Variants in DNAJC8 observed in about 807,000 individuals in gnomAD.
DNAJC8 encodes DnaJ heat shock protein family (Hsp40) member C8.
In DNAJC8, 24 loss-of-function variants were observed where a neutral mutation model predicts 43.2. The observed-to-expected ratio is 0.56, with a 90% confidence interval of 0.40 to 0.78. DNAJC8 has a LOEUF of 0.78. Ranked by LOEUF, DNAJC8 falls within the 30% of genes least tolerant of loss-of-function variation. The pLI is 0.00. For missense variants in DNAJC8, 207 were observed against 299.4 expected, an observed-to-expected ratio of 0.69 and a Z score of 2.28; for synonymous variants, 83 against 98.0, an observed-to-expected ratio of 0.85 and a Z score of 0.90.
At chr1:28,206,268 T>C (rs943614360) in intron 6 of DNAJC8, among the ~76,000 whole-genome samples, 7 of 152,178 alleles carry the variant, frequency 4.6e-5, no homozygotes, top group Non-Finnish European at 1.0e-4. Flanking sequence ...ATTATTGTTT[T>C]TGAAACAGGG....
intron 5 of DNAJC8, among the ~76,000 whole-genome samples, chr1:28,209,316 C>T (rs933145710): frequency 3.3e-5 from 5 of 152,108 alleles, no homozygotes; most frequent in Non-Finnish European, 7.4e-5. Context: ...AAAAGTCATC[C>T]AATCACAATT....
chr1:28,218,284 G>C (rs1182051349), intron 2 of DNAJC8, among the ~76,000 whole-genome samples: 1 of 151,672 alleles, frequency 6.6e-6, no homozygotes, highest in Non-Finnish European at 1.5e-5. Context: ...TAGTAGAGAC[G>C]GGGTTTCTCC....
chr1:28,210,445 G>A, intron 4 of DNAJC8, 126 bp downstream of exon 4: 2 of 825,104 alleles, frequency 2.4e-6, no homozygotes, highest in Non-Finnish European at 3.9e-6. Context: ...CTGCTCTACT[G>A]AAAACCACAG....
At chr1:28,206,883 A>G (rs1355479583) in intron 6 of DNAJC8, among the ~76,000 whole-genome samples, 2 of 152,190 alleles carry the variant, frequency 1.3e-5, no homozygotes, top group Non-Finnish European at 2.9e-5. Flanking sequence ...CTGCTCACTA[A>G]AAGCAATGCT....
chr1:28,229,252 G>C (rs1242535097), intron 1 of DNAJC8, among the ~76,000 whole-genome samples: 2 of 152,152 alleles, frequency 1.3e-5, no homozygotes, highest in Non-Finnish European at 2.9e-5. Context: ...AGATACTGCT[G>C]TTATACCCAA....
intron 2 of DNAJC8, among the ~76,000 whole-genome samples, chr1:28,216,472 C>T (rs1646855470): frequency 6.6e-6 from 1 of 152,040 alleles, no homozygotes; most frequent in Admixed American, 6.5e-5. Flanking sequence ...GTCCCACCCT[C>T]ACAAAAAAAG....
At chr1:28,214,019 AAAT>A (rs1455497173) in intron 3 of DNAJC8, among the ~76,000 whole-genome samples, 1 of 152,130 alleles carries the variant, frequency 6.6e-6, no homozygotes, top group Non-Finnish European at 1.5e-5. Context: ...CTGTCTCAAA[AAAT>A]AATAATAATT....
At chr1:28,218,174 C>A (rs1283883567) in intron 2 of DNAJC8, among the ~76,000 whole-genome samples, 1 of 149,664 alleles carries the variant, frequency 6.7e-6, no homozygotes, top group Non-Finnish European at 1.5e-5. Flanking sequence ...TGGCTCACTG[C>A]AACCTCCGCC....
At chr1:28,232,054 C>G (rs1002029134) in intron 1 of DNAJC8, among the ~76,000 whole-genome samples, 3 of 152,072 alleles carry the variant, frequency 2.0e-5, no homozygotes, top group Non-Finnish European at 4.4e-5. Flanking sequence ...CGCGCCCAAC[C>G]AAGAATTTTT....
chr1:28,215,540 AT>A (rs547746869), intron 2 of DNAJC8, among the ~76,000 whole-genome samples: 9,025 of 143,206 alleles, frequency 0.063, 740 homozygotes, highest in African/African-American at 0.2. Context: ...GAACAACTCT[AT>A]TTTTTTTTTT....
chr1:28,210,469 A>C, intron 4 of DNAJC8, 102 bp downstream of exon 4: 1 of 1,046,528 alleles, frequency 9.6e-7, no homozygotes, highest in Non-Finnish European at 1.4e-6. Context: ...CTTGGTGACC[A>C]GAAGACAAAA....
intron 4 of DNAJC8, 109 bp from the exon 5 acceptor site, chr1:28,210,175 A>C (rs1646801026): frequency 1.1e-6 from 1 of 890,298 alleles, no homozygotes; most frequent in Admixed American, 2.3e-5. Context: ...TCCCTACTTT[A>C]ATTATTTACT....
intron 2 of DNAJC8, among the ~76,000 whole-genome samples, chr1:28,226,906 G>A (rs1646938886): frequency 6.6e-6 from 1 of 150,766 alleles, no homozygotes; most frequent in African/African-American, 2.4e-5. Context: ...TCAACTATTA[G>A]TATTAACTAT....
At chr1:28,229,415 C>T (rs1646958547) in intron 1 of DNAJC8, among the ~76,000 whole-genome samples, 1 of 152,126 alleles carries the variant, frequency 6.6e-6, no homozygotes, top group African/African-American at 2.4e-5. Flanking sequence ...TAAAGAACTT[C>T]CACTTTAATG....
In DNAJC8 at chr1:28,205,570, T is replaced by C. The variant is rs569345070; in HGVS notation, c.472-221A>G. ...GCCCTGGCAACATAGTGAAACTCTA[T>C]TGCTACAAAAAAATTTTTTTTAAAA... On this transcript the variant is annotated intron_variant, in intron 6 of 8. Coordinates refer to ENST00000263697, the MANE Select transcript of DNAJC8 (RefSeq NM_014280.3). Among the ~76,000 whole-genome samples, 143 of 152,290 alleles carry C rather than the reference T, an allele frequency of 9.4e-4. 1 individual carries two copies. The Middle Eastern group carries it at 0.014, about 14-fold the overall frequency.
chr1:28,227,104 CTTTTTT>C (rs375175168), intron 2 of DNAJC8, among the ~76,000 whole-genome samples: 20 of 95,142 alleles, frequency 2.1e-4, no homozygotes, highest in East Asian at 2.0e-3. Flanking sequence ...CTCTCTCTCT[CTTTTTT>C]TTTTTTTTTT....
intron 2 of DNAJC8, among the ~76,000 whole-genome samples, chr1:28,222,334 A>C (rs1646904091): frequency 1.3e-5 from 2 of 151,862 alleles, no homozygotes; most frequent in Admixed American, 1.3e-4. Context: ...AAAAATACAA[A>C]AATTAGCCGG....
chr1:28,204,883 C>T (rs1302934752), intron 7 of DNAJC8, among the ~76,000 whole-genome samples: 1 of 152,088 alleles, frequency 6.6e-6, no homozygotes, highest in African/African-American at 2.4e-5. Context: ...ATTAGCCGGG[C>T]ATGGTGGTGT....
intron 6 of DNAJC8, among the ~76,000 whole-genome samples, chr1:28,207,238 C>T (rs1292659298): frequency 6.6e-6 from 1 of 151,718 alleles, no homozygotes; most frequent in Non-Finnish European, 1.5e-5. Context: ...ATTAGCCAGG[C>T]TTGATGGCGG....
Sources: allele counts gnomAD v4.1 joint callset (sites outside exome capture counted in the v4.1 genomes callset), GRCh38; gene constraint gnomAD v4.1.1; transcripts MANE v1.5; gene names NCBI Gene and HGNC (gene_info 2026-07-23, HGNC 2026-07-21).